The following SLC9A9 variants were observed in gnomAD, a reference collection of about 807,000 sequenced individuals.
The protein encoded by SLC9A9 is sodium/hydrogen exchanger 9.
In SLC9A9, 62 loss-of-function variants were observed where a neutral mutation model predicts 77.8. The observed-to-expected ratio is 0.80, with a 90% CI of 0.65 to 0.98. The LOEUF is 0.98. SLC9A9 is among the 50% of genes least tolerant of loss of function. The pLI is 0.00. For missense variants in SLC9A9, 775 were observed against 774.9 expected, an observed-to-expected ratio of 1.00 and a Z score of 0.00; for synonymous variants, 320 against 283.5, an observed-to-expected ratio of 1.13 and a Z score of -1.29.
chr3:143,637,529 C>T (rs73005531), intron 6 of SLC9A9, among the ~76,000 whole-genome samples: 3,660 of 152,146 alleles, frequency 0.024, 153 homozygotes, highest in African/African-American at 0.084. Context: ...CAGCTTATCC[C>T]TGTTTTGTAG....
chr3:143,384,848 C>T (rs537577874), intron 12 of SLC9A9, among the ~76,000 whole-genome samples: 30 of 152,266 alleles, frequency 2.0e-4, no homozygotes, highest in African/African-American at 3.8e-4. Flanking sequence ...ACAGGGCATA[C>T]GATTCGGGAG....
At chr3:143,839,676 A>T (rs1474828817) in intron 1 of SLC9A9, among the ~76,000 whole-genome samples, 2 of 152,216 alleles carry the variant, frequency 1.3e-5, no homozygotes, top group African/African-American at 4.8e-5. Flanking sequence ...GATTTCTAAC[A>T]GTATAATAGA....
At chr3:143,640,802 A>G (rs1314796143) in intron 6 of SLC9A9, among the ~76,000 whole-genome samples, 1 of 152,166 alleles carries the variant, frequency 6.6e-6, no homozygotes, top group Admixed American at 6.5e-5. Context: ...CAGTGAGCCG[A>G]GATCGTGCCA....
rs116757899 is a variant in SLC9A9 at position 143,566,057 on chromosome 3, T to C, written c.1000+8031A>G. ...AAACAATTTTTGCCCAAGTGAGAAA[T>C]GATGAGATGAGAAGTAATAAGCCAA... On this transcript the variant is annotated intron_variant, in intron 8 of 15. Transcript: ENST00000316549. Among the ~76,000 whole-genome samples, 487 of 152,204 alleles carry C rather than the reference T, an allele frequency of 3.2e-3. 3 individuals are homozygous for C. Among genetic ancestry groups the C allele is most frequent in the Admixed American group, 6.3e-3 (96 of 15,268 alleles).
intron 6 of SLC9A9, chr3:143,626,876 C>CTTT: frequency 6.9e-6 from 1 of 144,474 alleles, no homozygotes. Context: ...GCACTAGCTC[C>CTTT]TTTTTTTTTT....
intron 8 of SLC9A9, among the ~76,000 whole-genome samples, chr3:143,563,626 G>A (rs761366459): frequency 1.2e-4 from 18 of 152,078 alleles, no homozygotes; most frequent in Admixed American, 6.5e-4. Flanking sequence ...GGAAGAAAAC[G>A]TAAGATCATC....
At chr3:143,376,477 T>C (rs956083031) in intron 13 of SLC9A9, among the ~76,000 whole-genome samples, 1 of 152,246 alleles carries the variant, frequency 6.6e-6, no homozygotes, top group African/African-American at 2.4e-5. Context: ...TATAGGTATC[T>C]TGATTGGTCA....
At chr3:143,336,166 A>AATC (rs1422975600) in intron 14 of SLC9A9, among the ~76,000 whole-genome samples, 1 of 152,188 alleles carries the variant, frequency 6.6e-6, no homozygotes, top group Non-Finnish European at 1.5e-5. Context: ...CAATATCTCT[A>AATC]ATCATCAGGA....
chr3:143,451,350 T>A (rs2035004755), intron 12 of SLC9A9, among the ~76,000 whole-genome samples: 1 of 152,206 alleles, frequency 6.6e-6, no homozygotes, highest in Non-Finnish European at 1.5e-5. Context: ...CAGCACTTAT[T>A]TTTAAAAACT....
rs139424277 is a variant in SLC9A9, at chr3:143,666,537, A to G, written c.650-14177T>C. ...GGGTATTCAATTAGGAAAAGAGGAA[A>G]TCAAATTGTCCCTGTTTGCAGATGA... is the stretch of plus-strand genomic sequence containing the variant. On this transcript the variant is annotated intron_variant, in intron 5 of 15. Transcript: ENST00000316549. Among the ~76,000 whole-genome samples, 895 of 152,258 alleles carry G rather than the reference A, an allele frequency of 5.9e-3. 2 individuals are homozygous for G. Among genetic ancestry groups the G allele is most frequent in the Non-Finnish European group, 9.2e-3 (627 of 67,978 alleles).
chr3:143,453,924 G>T (rs1453306484), intron 12 of SLC9A9, among the ~76,000 whole-genome samples: 1 of 152,158 alleles, frequency 6.6e-6, no homozygotes, highest in Non-Finnish European at 1.5e-5. Flanking sequence ...ATATGAAAGG[G>T]TTTGAAGGAG....
intron 8 of SLC9A9, among the ~76,000 whole-genome samples, chr3:143,568,352 A>G (rs1384237183): frequency 6.6e-6 from 1 of 152,130 alleles, no homozygotes; most frequent in African/African-American, 2.4e-5. Context: ...AGTTGGGGGT[A>G]GTTTCCTAAG....
chr3:143,319,253 G>A (rs544022717), intron 14 of SLC9A9, among the ~76,000 whole-genome samples: 19 of 152,282 alleles, frequency 1.2e-4, no homozygotes, highest in Admixed American at 6.5e-4. Flanking sequence ...CTCAAGGTGC[G>A]CCCCAAACAG....
At chr3:143,298,065 A>G (rs1218662981) in intron 14 of SLC9A9, among the ~76,000 whole-genome samples, 4 of 152,256 alleles carry the variant, frequency 2.6e-5, no homozygotes, top group Non-Finnish European at 5.9e-5. Context: ...CAAGGCAAAG[A>G]ATGGCTTTTT....
chr3:143,394,307 T>G (rs1372959100), intron 12 of SLC9A9, among the ~76,000 whole-genome samples: 2 of 152,060 alleles, frequency 1.3e-5, no homozygotes, highest in Admixed American at 1.3e-4. Context: ...CATATGCAAA[T>G]CAATAAATGT....
intron 2 of SLC9A9, among the ~76,000 whole-genome samples, chr3:143,823,800 G>T (rs1393553445): frequency 1.3e-5 from 2 of 151,972 alleles, no homozygotes; most frequent in Non-Finnish European, 2.9e-5. Context: ...ATATTATATT[G>T]TTCTCTAAGA....
chr3:143,719,928 C>G (rs1373350086), intron 4 of SLC9A9, among the ~76,000 whole-genome samples: 2 of 152,116 alleles, frequency 1.3e-5, no homozygotes, highest in Non-Finnish European at 2.9e-5. Context: ...TCCTGGAAAA[C>G]TGCTCCCACG....
chr3:143,490,756 A>G (rs2035729563), intron 11 of SLC9A9, among the ~76,000 whole-genome samples: 1 of 152,206 alleles, frequency 6.6e-6, no homozygotes. Flanking sequence ...GAGTCTCAAA[A>G]CAGTGCCAAT....
chr3:143,750,748 TAC>T (rs979218956), intron 4 of SLC9A9, among the ~76,000 whole-genome samples: 21 of 141,184 alleles, frequency 1.5e-4, no homozygotes, highest in Non-Finnish European at 2.5e-4. Context: ...TATATATATA[TAC>T]ATATATAATT....
Sources: allele counts gnomAD v4.1 joint callset (sites outside exome capture counted in the v4.1 genomes callset), GRCh38; gene constraint gnomAD v4.1.1; transcripts MANE v1.5; gene names NCBI Gene and HGNC (gene_info 2026-07-23, HGNC 2026-07-21).